Variants in KDM4D observed in about 807,000 individuals in gnomAD.
KDM4D encodes lysine demethylase 4D, also known as lysine-specific demethylase 4D.
For synonymous variants in KDM4D, 254 were observed against 249.1 expected, an observed-to-expected ratio of 1.02 and a Z score of -0.19; for missense variants, 427 against 674.8, an observed-to-expected ratio of 0.63 and a Z score of 4.07.
chr11:94,975,020 T>C lies in KDM4D; in HGVS notation c.-444-634T>C, dbSNP rs1023837992. Among the ~76,000 whole-genome samples the C allele has an allele frequency of 3.9e-5, 6 of 152,246 alleles. No individual in the cohort carries two copies. In the South Asian group the frequency reaches 8.3e-4, roughly 21 times the overall value. ...GACCCCACGGAGTCTGGTTCCTGCC[T>C]ACCTTCCAGACTTCACTTCCAATCA... is the stretch of plus-strand genomic sequence containing the variant. On this transcript the variant is annotated intron_variant, in intron 1 of 2. Transcript: ENST00000335080.
rs587608764 is a variant in KDM4D at position 94,990,490 on chromosome 11, TGA to T, written c.-349-6527_-349-6526del. On this transcript the variant is annotated intron_variant, in intron 2 of 2. Transcript: ENST00000335080. ...TGGAACTACGTTTGTATAAGAAAAT[TGA>T]GAGAGAAATTTGGGAAACAAGAAGC... is the stretch of plus-strand genomic sequence containing the variant. Among the ~76,000 whole-genome samples the T allele has an allele frequency of 1.9e-3, 294 of 152,138 alleles. 1 individual carries two copies. Among genetic ancestry groups the T allele is most frequent in the African/African-American group, 6.8e-3 (281 of 41,548 alleles).
At chr11:94,981,296 T>C (rs1380175104) in intron 2 of KDM4D, among the ~76,000 whole-genome samples, 4 of 152,116 alleles carry the variant, frequency 2.6e-5, no homozygotes, top group Non-Finnish European at 5.9e-5. Flanking sequence ...TTTCCATCTA[T>C]GTTCATAAGC....
intron 2 of KDM4D, among the ~76,000 whole-genome samples, chr11:94,979,546 A>G (rs1282989442): frequency 6.6e-6 from 1 of 152,162 alleles, no homozygotes; most frequent in African/African-American, 2.4e-5. Flanking sequence ...GTGCATTTCT[A>G]AATGATAATA....
At position 94,976,210 on chromosome 11, in the gene KDM4D, G is replaced by A. The variant is rs190267055; in HGVS notation, c.-350+462G>A. 3.2e-3 allele frequency among the ~76,000 whole-genome samples: 494 copies of A among 152,054 alleles called. 1 individual carries two copies. Among genetic ancestry groups the A allele is most frequent in the African/African-American group, 0.012 (480 of 41,492 alleles). ...ACCTGTTACCACAAAATCTAGTTTG[G>A]CCCTTAATTCTGCCTGCCAGTCCTC... is the stretch of plus-strand genomic sequence containing the variant. On this transcript the variant is annotated intron_variant, in intron 2 of 2. Coordinates refer to ENST00000335080, the MANE Select transcript of KDM4D (RefSeq NM_018039.3).
At chr11:94,986,288 G>A (rs1320101518) in intron 2 of KDM4D, among the ~76,000 whole-genome samples, 2 of 152,162 alleles carry the variant, frequency 1.3e-5, no homozygotes, top group Non-Finnish European at 2.9e-5. Context: ...TTAAGGAAAG[G>A]CAAATGAAAA....
chr11:94,981,577 T>C (rs1484208730), intron 2 of KDM4D, among the ~76,000 whole-genome samples: 1 of 152,080 alleles, frequency 6.6e-6, no homozygotes, highest in Non-Finnish European at 1.5e-5. Context: ...CACTGTTATA[T>C]TTTTCTAAAA....
intron 2 of KDM4D, among the ~76,000 whole-genome samples, chr11:94,985,614 G>C (rs1299278475): frequency 4.6e-5 from 7 of 152,046 alleles, no homozygotes; most frequent in African/African-American, 1.4e-4. Flanking sequence ...AAAGGAACCA[G>C]TATAGCCAAA....
chr11:94,993,042 A>G (rs1424997709), intron 2 of KDM4D, among the ~76,000 whole-genome samples: 1 of 152,120 alleles, frequency 6.6e-6, no homozygotes, highest in Non-Finnish European at 1.5e-5. Flanking sequence ...AAGAAAGACA[A>G]ACAGTTTGGG....
At chr11:94,981,751 CTT>C (rs1857844724) in intron 2 of KDM4D, among the ~76,000 whole-genome samples, 1 of 151,788 alleles carries the variant, frequency 6.6e-6, no homozygotes, top group Admixed American at 6.5e-5. Flanking sequence ...TTTCACCAGT[CTT>C]TTAAATTTTA....
chr11:94,982,559 A>G (rs1245158618), intron 2 of KDM4D, among the ~76,000 whole-genome samples: 6 of 141,040 alleles, frequency 4.3e-5, no homozygotes, highest in Non-Finnish European at 9.5e-5. Flanking sequence ...AAAAAAAAAA[A>G]GAGACATGAC....
At position 94,982,662 on chromosome 11, in the gene KDM4D, T is replaced by G. The variant is rs587622269; in HGVS notation, c.-350+6914T>G. On this transcript the variant is annotated intron_variant, in intron 2 of 2. Coordinates refer to ENST00000335080, the MANE Select transcript of KDM4D (RefSeq NM_018039.3). ...CTAGAATTAATGGCCAAGCTAATAG[T>G]ACTAATAGGAAATAAGAGGTACAAG... Among the ~76,000 whole-genome samples, 4 of 151,758 alleles carry G rather than the reference T, an allele frequency of 2.6e-5. No individual in the cohort carries two copies. In the South Asian group the frequency reaches 8.3e-4, roughly 32 times the overall value.
chr11:94,983,393 G>A (rs1857858297), intron 2 of KDM4D, among the ~76,000 whole-genome samples: 1 of 151,666 alleles, frequency 6.6e-6, no homozygotes, highest in Admixed American at 6.6e-5. Context: ...GACCCCCAAA[G>A]AATACATGGA....
At chr11:94,985,474 A>G (rs917803744) in intron 2 of KDM4D, among the ~76,000 whole-genome samples, 1 of 152,226 alleles carries the variant, frequency 6.6e-6, no homozygotes, top group Admixed American at 6.5e-5. Flanking sequence ...AATGGATCAG[A>G]AAACTTAATA....
chr11:94,979,678 CTATT>C (rs1412705308), intron 2 of KDM4D, among the ~76,000 whole-genome samples: 2 of 152,064 alleles, frequency 1.3e-5, no homozygotes, highest in African/African-American at 2.4e-5. Flanking sequence ...CTCTGATATA[CTATT>C]TAGAGTTTCA....
intron 2 of KDM4D, among the ~76,000 whole-genome samples, chr11:94,995,888 G>A (rs587625080): frequency 6.6e-6 from 1 of 152,228 alleles, no homozygotes; most frequent in South Asian, 2.1e-4. Flanking sequence ...TAACCCTGAT[G>A]GAACCTTACT....
At chr11:94,988,577 CT>C (rs1857907948) in intron 2 of KDM4D, among the ~76,000 whole-genome samples, 2 of 152,190 alleles carry the variant, frequency 1.3e-5, no homozygotes, top group African/African-American at 4.8e-5. Context: ...AGACAGTGAC[CT>C]TTCAGAGGCA....
At chr11:94,986,395 G>A (rs1555098125) in intron 2 of KDM4D, among the ~76,000 whole-genome samples, 1 of 152,052 alleles carries the variant, frequency 6.6e-6, no homozygotes, top group African/African-American at 2.4e-5. Flanking sequence ...TTCAAGACCA[G>A]CCTGGGCAAC....
chr11:94,995,624 C>T (rs1358502537), intron 2 of KDM4D, among the ~76,000 whole-genome samples: 1 of 152,120 alleles, frequency 6.6e-6, no homozygotes, highest in African/African-American at 2.4e-5. Flanking sequence ...GTCAAGACAT[C>T]AGTAAAATAG....
intron 2 of KDM4D, among the ~76,000 whole-genome samples, chr11:94,994,300 T>C (rs994847825): frequency 1.3e-5 from 2 of 152,154 alleles, no homozygotes; most frequent in African/African-American, 4.8e-5. Context: ...CATCAATTTG[T>C]ATTAAACCAG....
Sources: gnomAD v4.1 joint callset for allele counts (sites outside exome capture counted in the v4.1 genomes callset) on GRCh38, gnomAD v4.1.1 for gene constraint, MANE v1.5 for transcripts, NCBI Gene and HGNC (gene_info 2026-07-23, HGNC 2026-07-21) for gene names.